The following PEPD variants were observed in gnomAD, a reference collection of about 807,000 sequenced individuals.
The protein encoded by PEPD is xaa-Pro dipeptidase.
PEPD carries 53 observed loss-of-function variants against 60.7 expected under a neutral mutation model. The observed-to-expected ratio is 0.87, with a 90% CI of 0.70 to 1.10. The LOEUF (loss-of-function observed/expected upper bound fraction) is 1.10, where lower values mean the gene tolerates loss of function less well. Among genes scored for constraint, PEPD ranks in the 50% least tolerant of loss-of-function variants. The pLI, the probability that PEPD is intolerant of heterozygous loss-of-function variation, is 0.00. For missense variants in PEPD, 711 were observed against 711.9 expected (o/e 1.00, Z 0.01); for synonymous variants, 267 against 284.1 (o/e 0.94, Z 0.60).
At chr19:33,398,261 C>T (rs139124430) in intron 12 of PEPD, among the ~76,000 whole-genome samples, 2,169 of 152,340 alleles carry the variant, frequency 0.014, 43 homozygotes, top group African/African-American at 0.046. Flanking sequence ...GGTGGGCCCC[C>T]GCCCCTCACA....
chr19:33,514,812 A>G (rs925679916), intron 1 of PEPD, among the ~76,000 whole-genome samples: 3 of 151,592 alleles, frequency 2.0e-5, no homozygotes, highest in Non-Finnish European at 4.4e-5. Context: ...TGGGTTTCTG[A>G]CCAGGTTCCC....
intron 13 of PEPD, 126 bp downstream of exon 13, chr19:33,391,169 G>T (rs953773370): frequency 3.8e-6 from 3 of 794,794 alleles, no homozygotes; most frequent in Non-Finnish European, 6.5e-6. Flanking sequence ...ACCACAGGGA[G>T]CCATGGGGCC....
At chr19:33,414,235 C>T (rs1437889708) in intron 9 of PEPD, among the ~76,000 whole-genome samples, 1 of 152,222 alleles carries the variant, frequency 6.6e-6, no homozygotes, top group Non-Finnish European at 1.5e-5. Flanking sequence ...CTGCTTCTCC[C>T]TCCTTGGAAC....
rs368945261 is a variant in PEPD, at chr19:33,397,011, G to T, written c.967+4710C>A. On this transcript the variant is annotated intron_variant, in intron 12 of 14. Transcript: ENST00000244137. ...GCATGCAGGGGTCTGCATGGGGTGG[G>T]CAGCCTGCCCCAACACAGGAGCCGC... Among the ~76,000 whole-genome samples, 104 of 152,214 alleles carry T rather than the reference G, an allele frequency of 6.8e-4. 1 individual carries two copies. The highest frequency in any genetic ancestry group is 2.5e-3 in the African/African-American group (102 of 41,542).
intron 4 of PEPD, among the ~76,000 whole-genome samples, chr19:33,497,932 G>C (rs922308384): frequency 2.6e-5 from 4 of 152,144 alleles, no homozygotes; most frequent in African/African-American, 9.7e-5. Context: ...GGAGGCCCCT[G>C]GCGTCACATC....
intron 7 of PEPD, among the ~76,000 whole-genome samples, chr19:33,475,180 T>C (rs1466103414): frequency 6.6e-6 from 1 of 151,882 alleles, no homozygotes; most frequent in African/African-American, 2.4e-5. Flanking sequence ...AGGGAGGAGA[T>C]AGGGCTAGAA....
In PEPD at chr19:33,500,943, C is replaced by A. The variant is rs533413828; in HGVS notation, c.388G>T (p.Asp130Tyr). Residue 130 changes from aspartate to tyrosine, a missense_variant, in exon 4 of 15, where the codon GAT (aspartate) becomes TAT (tyrosine). Asp to Tyr is a radical substitution (Grantham distance 160). Coordinates refer to ENST00000244137, the MANE Select transcript of PEPD (RefSeq NM_000285.4). ...KYAVDDVQYV[D>Y]EIASVLTSQK... Reference sequence around the variant, plus strand: ...AGGAGGAGCCGGCTACCCACCTCATCTACGTACTGGACGTCGTCCACGGCA... The same window carrying A: ...AGGAGGAGCCGGCTACCCACCTCATATACGTACTGGACGTCGTCCACGGCA... 1.2e-4 allele frequency: 189 copies of A among 1,590,920 alleles called. No individual in the cohort carries two copies. Among genetic ancestry groups the A allele is most frequent in the Admixed American group, 2.7e-4 (16 of 60,008 alleles).
rs192952165 is a variant in PEPD at position 33,461,680 on chromosome 19, C to G, written c.671+1315G>C. ...CCAATCTGAGGGACCCACTGTCCAG[C>G]CCACCTCGCTGGAGGAGCCCCACAA... is the stretch of plus-strand genomic sequence containing the variant. On this transcript the variant is annotated intron_variant, in intron 9 of 14. Transcript: ENST00000244137. Among the ~76,000 whole-genome samples the G allele has an allele frequency of 4.4e-3, 677 of 152,354 alleles. 3 individuals are homozygous for G. The highest frequency in any genetic ancestry group is 6.9e-3 in the Non-Finnish European group (472 of 68,026).
intron 13 of PEPD, among the ~76,000 whole-genome samples, chr19:33,389,633 GT>G (rs1018532316): frequency 6.6e-6 from 1 of 152,246 alleles, no homozygotes; most frequent in African/African-American, 2.4e-5. Flanking sequence ...CTTCCTTCCA[GT>G]CACCCCTCCA....
intron 6 of PEPD, among the ~76,000 whole-genome samples, chr19:33,481,313 T>C (rs1008428735): frequency 6.6e-6 from 1 of 152,204 alleles, no homozygotes; most frequent in African/African-American, 2.4e-5. Flanking sequence ...ATGCCTGCAG[T>C]CCCAGCACTT....
intron 12 of PEPD, among the ~76,000 whole-genome samples, chr19:33,400,231 G>A (rs551626238): frequency 1.3e-5 from 2 of 152,312 alleles, no homozygotes; most frequent in East Asian, 1.9e-4. Context: ...TGGCCAACAC[G>A]AGGTGATCTC....
intron 9 of PEPD, among the ~76,000 whole-genome samples, chr19:33,417,840 G>A (rs1968921627): frequency 6.6e-6 from 1 of 152,170 alleles, no homozygotes; most frequent in Admixed American, 6.5e-5. Flanking sequence ...TAGGTCCACG[G>A]CCCGGACACC....
At chr19:33,388,203 C>T in intron 13 of PEPD, 122 bp from the exon 14 acceptor site, 1 of 847,270 alleles carries the variant, frequency 1.2e-6, no homozygotes, top group Non-Finnish European at 1.9e-6. Flanking sequence ...CATTGGGGTC[C>T]TCAGCCTAGA....
intron 9 of PEPD, among the ~76,000 whole-genome samples, chr19:33,433,848 G>A (rs567526483): frequency 1.3e-5 from 2 of 152,232 alleles, no homozygotes; most frequent in South Asian, 2.1e-4. Context: ...GATGCACAGC[G>A]TTTCTGCCCG....
At chr19:33,413,791 G>A in intron 9 of PEPD, 148 bp from the exon 10 acceptor site, 1 of 649,232 alleles carries the variant, frequency 1.5e-6, no homozygotes. Flanking sequence ...GTGAGTCTGT[G>A]AGGCTTACAG....
chr19:33,479,403 G>T (rs574189716), intron 6 of PEPD, among the ~76,000 whole-genome samples: 1 of 151,752 alleles, frequency 6.6e-6, no homozygotes, highest in Non-Finnish European at 1.5e-5. Flanking sequence ...ATTGGCGAAT[G>T]AATTCTTTTT....
intron 9 of PEPD, among the ~76,000 whole-genome samples, chr19:33,447,468 G>A (rs907393564): frequency 2.6e-5 from 4 of 152,234 alleles, no homozygotes; most frequent in Admixed American, 6.5e-5. Context: ...GCAGGAGCCC[G>A]GGATGCATGG....
At chr19:33,459,548 C>A (rs1318267791) in intron 9 of PEPD, among the ~76,000 whole-genome samples, 1 of 152,100 alleles carries the variant, frequency 6.6e-6, no homozygotes, top group Non-Finnish European at 1.5e-5. Context: ...CCAACACGGA[C>A]GTCTTATTGG....
chr19:33,469,451 C>G (rs76517094), intron 7 of PEPD, among the ~76,000 whole-genome samples: 1 of 152,160 alleles, frequency 6.6e-6, no homozygotes, highest in African/African-American at 2.4e-5. Flanking sequence ...CTGCCCCCCA[C>G]GGGAGCCGCC....
Sources: gnomAD v4.1 joint callset for allele counts (sites outside exome capture counted in the v4.1 genomes callset) on GRCh38, gnomAD v4.1.1 for gene constraint, MANE v1.5 for transcripts, NCBI Gene and HGNC (gene_info 2026-07-23, HGNC 2026-07-21) for gene names.